Variants in GATA5 observed in about 807,000 individuals in gnomAD.
GATA5 encodes GATA binding protein 5.
GATA5 carries 27 observed loss-of-function variants against 35.0 expected under a neutral mutation model. The observed-to-expected ratio is 0.77, with a 90% confidence interval of 0.57 to 1.06. The LOEUF (loss-of-function observed/expected upper bound fraction) is 1.06. Among genes scored for constraint, GATA5 ranks in the 50% least tolerant of loss-of-function variants. The pLI is 0.00. For missense variants in GATA5, 612 were observed against 580.0 expected, an observed-to-expected ratio of 1.06 and a Z score of -0.57; for synonymous variants, 306 against 267.8, an observed-to-expected ratio of 1.14 and a Z score of -1.39.
chr20:62,465,709 C>G, intron 5 of GATA5, 125 bp downstream of exon 5: 1 of 899,406 alleles, frequency 1.1e-6, no homozygotes, highest in South Asian at 1.5e-5. Context: ...CAGGGCAGAG[C>G]TGGGGGCATT....
chr20:62,475,321 T>G lies in GATA5; in HGVS notation c.201A>C (p.Thr67=). The G allele has an allele frequency of 8.0e-7, 1 of 1,251,716 alleles. No individual in the cohort carries two copies. The highest frequency in any genetic ancestry group is 3.4e-5 in the South Asian group (1 of 29,780). The allele number at this position is 1,251,716 out of a possible 1,614,324, so 77.5% of individuals were successfully genotyped here. A position where few individuals can be genotyped will look rare whatever the true frequency, so the allele number is the denominator to read the frequency against. ...ELAARPGWAQ[T]ATADSSAFGP... is the part of the protein sequence containing the mutation. The stretch of plus-strand genomic sequence containing the variant: ...CGAAGGCCGACGAATCCGCGGTGGC[T>G]GTCTGCGCCCAGCCGGGGCGCGCAG... Residue 67 remains threonine (T), a synonymous_variant, in exon 2 of 7, where the codon ACA becomes ACC. Transcript: ENST00000252997.
chr20:62,466,499 G>T lies in GATA5; in HGVS notation c.752C>A (p.Thr251Asn). 1 of 1,567,576 alleles carries T rather than the reference G, an allele frequency of 6.4e-7. No individual in the cohort carries two copies. Among genetic ancestry groups the T allele is most frequent in the Non-Finnish European group, 8.6e-7 (1 of 1,156,332 alleles). The change falls in exon 4 of 7, where the codon ACC becomes AAC. Residue 251 changes from threonine to asparagine, a missense_variant. Coordinates refer to ENST00000252997, the MANE Select transcript of GATA5 (RefSeq NM_080473.5). Reference sequence around the variant, plus strand: ...CTCCGAGTTCCGCCGCCACAGCGTGGTGTTGGTCGTGTGGCAGTTGGTGCA... The same window carrying T: ...CTCCGAGTTCCGCCGCCACAGCGTGTTGTTGGTCGTGTGGCAGTTGGTGCA... ...LCCTNCHTTNTTLWRRNSEGE... is the reference protein window; with the variant it reads ...LCCTNCHTTNNTLWRRNSEGE...
rs1010720068 is a variant in GATA5, at chr20:62,463,522, T to C, written c.*1314A>G. ...TGAGGTTCAAGGCTTTATTTCACTT[T>C]CCCTGTGGCTTCATTTGTCTCTTTT... On this transcript the variant is annotated 3_prime_UTR_variant, in exon 7 of 7. Transcript: ENST00000252997. The C allele has an allele frequency of 2.6e-5, 4 of 152,140 alleles. No individual in the cohort carries two copies. The highest frequency in any genetic ancestry group is 5.9e-5 in the Non-Finnish European group (4 of 68,022). 9.4% of individuals were successfully genotyped at this position (152,140 alleles called of 1,614,324 possible).
chr20:62,472,373 G>C (rs1382043152), intron 3 of GATA5, among the ~76,000 whole-genome samples: 2 of 152,190 alleles, frequency 1.3e-5, no homozygotes, highest in Non-Finnish European at 2.9e-5. Flanking sequence ...CCCTCAGCCT[G>C]TAACTGAGGG....
Position 62,468,031 on chromosome 20 carries a change from G to A in GATA5, c.700-1480C>T, listed in dbSNP as rs56106546. ...ACAGCCTGCCTCGGTTTCCCCATCT[G>A]TTACAGCCCTCTATGAGCAGACACA... On this transcript the variant is annotated intron_variant, in intron 3 of 6. Coordinates refer to ENST00000252997, the MANE Select transcript of GATA5 (RefSeq NM_080473.5). 2.3e-4 allele frequency among the ~76,000 whole-genome samples: 34 copies of A among 149,156 alleles called. 1 individual carries two copies. The East Asian group carries it at 6.1e-3, about 27-fold the overall frequency.
At chr20:62,466,088 C>T (rs188488498) in intron 4 of GATA5, among the ~76,000 whole-genome samples, 167 bp from the exon 5 acceptor site, 23 of 152,306 alleles carry the variant, frequency 1.5e-4, no homozygotes, top group Admixed American at 1.4e-3. Context: ...AGGGGGAGCC[C>T]GTGGAGCTGG....
Position 62,475,417 on chromosome 20 carries a change from C to A in GATA5, c.105G>T (p.Pro35=). ...ACAGCATCGAGGGGACGCGCGCCGGCGGCACAAACATCGGAGAGCCGGCGC... is the reference window on the plus strand; with the variant it reads ...ACAGCATCGAGGGGACGCGCGCCGGAGGCACAAACATCGGAGAGCCGGCGC... The part of the protein sequence containing the change: ...APGAGSPMFV[P]PARVPSMLSY... Residue 35 remains proline, a synonymous_variant, in exon 2 of 7, where the codon CCG becomes CCT. Coordinates refer to ENST00000252997, the MANE Select transcript of GATA5 (RefSeq NM_080473.5). The A allele has an allele frequency of 7.4e-7, 1 of 1,357,830 alleles. No homozygotes were observed. The allele number at this position is 1,357,830 out of a possible 1,614,324, so 84.1% of individuals were successfully genotyped here.
intron 1 of GATA5, among the ~76,000 whole-genome samples, 166 bp from the exon 2 acceptor site, chr20:62,475,708 G>A (rs567848957): frequency 6.2e-4 from 94 of 152,270 alleles, no homozygotes; most frequent in African/African-American, 2.2e-3. Flanking sequence ...GAACCGCGGG[G>A]ATGGGAGAGG....
At chr20:62,474,267 G>T (rs1989796395) in intron 2 of GATA5, among the ~76,000 whole-genome samples, 1 of 152,198 alleles carries the variant, frequency 6.6e-6, no homozygotes, top group Non-Finnish European at 1.5e-5. Context: ...CGCGAGGGAG[G>T]CCCGGGCGCC....
chr20:62,465,925 G>A lies in GATA5; in HGVS notation c.826-4C>T. ...TCATAGCCAGAGGCCGCGGCACCTG[G>A]CAGGGGTGGCGAGGGTGGAGGCTGG... On this transcript the variant is annotated splice_polypyrimidine_tract_variant and splice_region_variant and intron_variant, in intron 4 of 6. Coordinates refer to ENST00000252997, the MANE Select transcript of GATA5 (RefSeq NM_080473.5). 1 of 1,580,784 alleles carries A rather than the reference G, an allele frequency of 6.3e-7. No individual in the cohort carries two copies. The highest frequency in any genetic ancestry group is 8.6e-7 in the Non-Finnish European group (1 of 1,163,628).
Position 62,470,201 on chromosome 20 carries a change from C to T in GATA5, c.699+3202G>A, listed in dbSNP as rs925741580. Among the ~76,000 whole-genome samples, 1 of 152,248 alleles carries T rather than the reference C, an allele frequency of 6.6e-6. No individual in the cohort carries two copies. Among genetic ancestry groups the T allele is most frequent in the African/African-American group, 2.4e-5 (1 of 41,476 alleles). On this transcript the variant is annotated intron_variant, in intron 3 of 6. Coordinates refer to ENST00000252997, the MANE Select transcript of GATA5 (RefSeq NM_080473.5). This position sits in a 1 kb window ranked among gnomAD's most constrained non-coding sequence, Gnocchi z 4.6. ...GGGCAGGGCAGGGCCCGGGCCGGTG[C>T]TGGCGGAAATTCAAGGAAGGCGGGA...
intron 3 of GATA5, among the ~76,000 whole-genome samples, chr20:62,472,470 CACCCAG>C (rs1555896664): frequency 1.3e-5 from 2 of 152,232 alleles, no homozygotes; most frequent in African/African-American, 4.8e-5. Flanking sequence ...GGCTGGCCTC[CACCCAG>C]GGTGACGGCG....
chr20:62,467,109 C>A (rs568189157), intron 3 of GATA5, among the ~76,000 whole-genome samples: 274 of 152,334 alleles, frequency 1.8e-3, no homozygotes, highest in African/African-American at 6.3e-3. Flanking sequence ...CCATCTGGAA[C>A]CTTCCAGAGG....
chr20:62,474,484 A>T (rs1989803336), intron 2 of GATA5, among the ~76,000 whole-genome samples: 1 of 152,176 alleles, frequency 6.6e-6, no homozygotes, highest in African/African-American at 2.4e-5. Flanking sequence ...GCCCCTGCGG[A>T]GCTCAGAGGA....
rs113823160 is a variant in GATA5, at chr20:62,475,235, G to C, written c.287C>G (p.Ala96Gly). 153 of 1,248,276 alleles carry C rather than the reference G, an allele frequency of 1.2e-4. No individual in the cohort carries two copies. In the African/African-American group the frequency reaches 2.1e-3, roughly 17 times the overall value. The allele number at this position is 1,248,276 out of a possible 1,614,324, so 77.3% of individuals were successfully genotyped here. ...HPPGATAFPF[A>G]HSPSGPGSGG... ...GCTGCCGGGCCCCGAGGGGCTGTGC[G>C]CGAAAGGGAAGGCGGTGGCCCCGGG... The change falls in exon 2 of 7, where the codon GCG (alanine) becomes GGG (glycine). Residue 96 changes from alanine to glycine, a missense_variant. Transcript: ENST00000252997.
At chr20:62,467,044 T>C (rs1989610843) in intron 3 of GATA5, among the ~76,000 whole-genome samples, 1 of 152,212 alleles carries the variant, frequency 6.6e-6, no homozygotes, top group South Asian at 2.1e-4. Flanking sequence ...GGGTCCCACC[T>C]GCCTATGTCT....
intron 3 of GATA5, among the ~76,000 whole-genome samples, chr20:62,469,794 G>C (rs1555896401): frequency 2.6e-5 from 4 of 152,186 alleles, no homozygotes; most frequent in African/African-American, 7.2e-5. Flanking sequence ...TCACCAGATC[G>C]CTATTGTACG....
chr20:62,473,708 TC>T, intron 2 of GATA5, 130 bp from the exon 3 acceptor site: 10 of 742,734 alleles, frequency 1.3e-5, no homozygotes, highest in Non-Finnish European at 2.2e-5. Flanking sequence ...AAGGCACAAA[TC>T]TTGTGCCTTA....
At chr20:62,474,687 C>A (rs782485322) in intron 2 of GATA5, among the ~76,000 whole-genome samples, 1 of 152,238 alleles carries the variant, frequency 6.6e-6, no homozygotes, top group Admixed American at 6.5e-5. Flanking sequence ...TTATAAAAAT[C>A]GTTTCCAAAA....
Sources: gnomAD v4.1 joint callset for allele counts (sites outside exome capture counted in the v4.1 genomes callset) on GRCh38, gnomAD v4.1.1 for gene constraint, Gnocchi (gnomAD v3.1) non-coding constraint, MANE v1.5 for transcripts, NCBI Gene and HGNC (gene_info 2026-07-23, HGNC 2026-07-21) for gene names.